MYMK: variants seen among roughly 807,000 people sequenced by gnomAD.
The protein encoded by MYMK is myomaker, myoblast fusion factor, also known as protein myomaker.
A neutral mutation model predicts 22.4 loss-of-function variants in MYMK; 16 were observed. The ratio of observed to expected loss-of-function variants is 0.72; its 90% CI spans 0.48 to 1.09. The LOEUF (loss-of-function observed/expected upper bound fraction) is 1.09, where lower values mean the gene tolerates loss of function less well. Among genes scored for constraint, MYMK ranks in the 50% least tolerant of loss-of-function variants. MYMK has a pLI of 0.00. For missense variants in MYMK, 250 were observed against 295.6 expected, an observed-to-expected ratio of 0.85 and a Z score of 1.13; for synonymous variants, 125 against 127.0, an observed-to-expected ratio of 0.98 and a Z score of 0.11.
intron 4 of MYMK, 149 bp from the exon 5 acceptor site, chr9:133,514,934 T>C (rs1485090470): frequency 1.2e-6 from 1 of 859,564 alleles, no homozygotes; most frequent in Non-Finnish European, 1.8e-6. Context: ...GCGCTCACAG[T>C]GGTTTTTCTC....
chr9:133,524,410 A>G (rs942891365), intron 1 of MYMK, among the ~76,000 whole-genome samples: 2 of 152,014 alleles, frequency 1.3e-5, no homozygotes, highest in African/African-American at 4.8e-5. Flanking sequence ...AGCTGAGAAA[A>G]GGGGCACGCT....
chr9:133,515,900 C>A lies in MYMK; in HGVS notation c.400-293G>T, dbSNP rs754485402. On this transcript the variant is annotated intron_variant, in intron 3 of 4. Coordinates refer to ENST00000339996, the MANE Select transcript of MYMK (RefSeq NM_001080483.3). The surrounding 1 kb of genome is among the most constrained non-coding windows in gnomAD (Gnocchi z 5.8). ...CCCGCCTCTTTGAGATGTAACAACGCCACCCTCGCATGTCTCCTCCTCCCT... is the reference window on the plus strand; with the variant it reads ...CCCGCCTCTTTGAGATGTAACAACGACACCCTCGCATGTCTCCTCCTCCCT... Among the ~76,000 whole-genome samples the A allele has an allele frequency of 6.6e-6, 1 of 152,178 alleles. No individual in the cohort carries two copies. The highest frequency in any genetic ancestry group is 2.4e-5 in the African/African-American group (1 of 41,446).
intron 2 of MYMK, 98 bp downstream of exon 2, chr9:133,520,076 A>C: frequency 1.2e-6 from 1 of 856,774 alleles, no homozygotes; most frequent in Non-Finnish European, 2.0e-6. Flanking sequence ...GTGAGTGGGG[A>C]TAGAGGGCTG....
chr9:133,518,597 A>G (rs1178128903), intron 3 of MYMK, among the ~76,000 whole-genome samples: 4 of 152,174 alleles, frequency 2.6e-5, no homozygotes, highest in Admixed American at 6.5e-5. Flanking sequence ...AGGGGGCTGT[A>G]ATGACAACAC....
chr9:133,520,318 A>C (rs1844687417), intron 1 of MYMK, 30 bp from the exon 2 acceptor site: 6 of 1,590,658 alleles, frequency 3.8e-6, no homozygotes, highest in Admixed American at 1.7e-5. Flanking sequence ...TGGTCACAGC[A>C]CAAAGAGGCC....
rs779683542 is a variant in MYMK, at chr9:133,515,569, G to T, written c.438C>A (p.Asp146Glu). 13 of 1,614,064 alleles carry T rather than the reference G, an allele frequency of 8.1e-6. No individual in the cohort carries two copies. In the Admixed American group the frequency reaches 1.3e-4, roughly 17 times the overall value. ...KMKEKKGLYP[D>E]KSVYTQQIGP... ...CTATCTGCTGGGTGTAGACGCTCTT[G>T]TCTGGGTACAGGCCCTTCTTCTCCT... The change falls in exon 4 of 5, where the codon GAC (aspartate) becomes GAA (glutamate). Residue 146 changes from aspartate to glutamate, a missense_variant. Coordinates refer to ENST00000339996, the MANE Select transcript of MYMK (RefSeq NM_001080483.3). The surrounding 1 kb of genome is among the most constrained non-coding windows in gnomAD (Gnocchi z 5.8).
In MYMK at chr9:133,522,707, T is replaced by C. The variant is rs113279728; in HGVS notation, c.135+2003A>G. On this transcript the variant is annotated intron_variant, in intron 1 of 4. Coordinates refer to ENST00000339996, the MANE Select transcript of MYMK (RefSeq NM_001080483.3). The stretch of plus-strand genomic sequence containing the variant: ...GCCTTGAGAACAAGACCTCAGCTTT[T>C]CTCCCTGCGCTAAGGCCATGGGACC... Among the ~76,000 whole-genome samples the C allele has an allele frequency of 7.9e-5, 12 of 152,308 alleles. No individual in the cohort carries two copies. In the South Asian group the frequency reaches 2.3e-3, roughly 29 times the overall value.
chr9:133,514,704 T>A lies in MYMK; in HGVS notation c.598A>T (p.Lys200Ter). 1 of 1,614,050 alleles carries A rather than the reference T, an allele frequency of 6.2e-7. No individual in the cohort carries two copies. The highest frequency in any genetic ancestry group is 8.5e-7 in the Non-Finnish European group (1 of 1,179,930). The part of the protein sequence containing the change: ...SFVLLLPKVN[K>*]KAGSPGTPAK... ...GGGGTCCCCGGGGATCCAGCCTTCT[T>A]GTTGACCTTGGGCAGCAGCAGAACA... Residue 200 changes from lysine (K) to a stop codon, truncating the protein, a stop_gained, in exon 5 of 5, where the codon AAG becomes TAG. Coordinates refer to ENST00000339996, the MANE Select transcript of MYMK (RefSeq NM_001080483.3). LOFTEE classifies it high-confidence loss of function.
In MYMK at chr9:133,518,998, T is replaced by C. The variant is rs1184022337; in HGVS notation, c.275A>G (p.Lys92Arg). ...GCCGAACATCACAAATGTTGACCTC[T>C]TGGGTTCGTCGAAGTCGGCCAGTGC... Reference protein sequence around the residue: ...LMALADFDEPKRSTFVMFGVL... With the variant: ...LMALADFDEPRRSTFVMFGVL... The change falls in exon 3 of 5, where the codon AAG (lysine) becomes AGG (arginine). Residue 92 changes from lysine (K) to arginine (R), a missense_variant. Transcript: ENST00000339996. The C allele has an allele frequency of 6.2e-7, 1 of 1,613,866 alleles. No individual in the cohort carries two copies. Among genetic ancestry groups the C allele is most frequent in the Non-Finnish European group, 8.5e-7 (1 of 1,179,966 alleles).
chr9:133,524,940 G>T lies in MYMK; in HGVS notation c.-96C>A. The stretch of plus-strand genomic sequence containing the variant: ...AAGTGGGAAGGCCAGCTCCCTTTGG[G>T]CAGGGCTCTGATGGCAGCTGCGGGG... On this transcript the variant is annotated 5_prime_UTR_variant, in exon 1 of 5. Transcript: ENST00000339996. 1 of 1,444,134 alleles carries T rather than the reference G, an allele frequency of 6.9e-7. No individual in the cohort carries two copies. The highest frequency in any genetic ancestry group is 9.3e-7 in the Non-Finnish European group (1 of 1,076,658). 89.5% of individuals were successfully genotyped at this position (1,444,134 alleles called of 1,614,324 possible).
intron 2 of MYMK, among the ~76,000 whole-genome samples, chr9:133,519,543 G>A (rs1254397128): frequency 6.6e-6 from 1 of 152,214 alleles, no homozygotes; most frequent in Admixed American, 6.5e-5. Flanking sequence ...CTGAGTGACA[G>A]AGTGAGACCC....
At chr9:133,518,754 A>T in intron 3 of MYMK, 120 bp downstream of exon 3, 1 of 1,325,384 alleles carries the variant, frequency 7.5e-7, no homozygotes, top group Non-Finnish European at 1.0e-6. Context: ...GAATTCCTGC[A>T]TCCACCCATT....
chr9:133,524,716 G>A lies in MYMK; in HGVS notation c.129C>T (p.Phe43=), dbSNP rs373438480. ...EAMVYLFTLF[F]VALHHACNGP... ...TCCCAGCCCCCAGACTCACCGCCAC[G>A]AAGAACAGGGTGAAGAGGTAGACCA... The change falls in exon 1 of 5, where the codon TTC becomes TTT. Residue 43 remains phenylalanine (F), a synonymous_variant. Transcript: ENST00000339996. 8.1e-6 allele frequency: 13 copies of A among 1,614,168 alleles called. No homozygotes were observed. The highest frequency in any genetic ancestry group is 2.7e-5 in the African/African-American group (2 of 75,056).
Position 133,515,505 on chromosome 9 carries a change from G to A in MYMK, c.502C>T (p.Arg168Cys), listed in dbSNP as rs774732248. Residue 168 changes from arginine (R) to cysteine (C), a missense_variant, in exon 4 of 5, where the codon CGC becomes TGC. By Grantham distance (180) the Arg-to-Cys change is radical. Transcript: ENST00000339996. This position sits in a 1 kb window ranked among gnomAD's most constrained non-coding sequence, Gnocchi z 5.8. Reference protein sequence around the residue: ...LCFGALALMLRFFFEDWDYTY... With the variant: ...LCFGALALMLCFFFEDWDYTY... Reference sequence around the variant, plus strand: ...GGGCTTGGTACCTCAAAGAAGAAGCGTAGCATCAGGGCCAGCGCCCCGAAG... The same window carrying A: ...GGGCTTGGTACCTCAAAGAAGAAGCATAGCATCAGGGCCAGCGCCCCGAAG... The A allele has an allele frequency of 5.0e-6, 8 of 1,611,632 alleles. No individual in the cohort carries two copies. Among genetic ancestry groups the A allele is most frequent in the Middle Eastern group, 1.7e-4 (1 of 6,056 alleles).
chr9:133,520,613 A>G (rs1309837430), intron 1 of MYMK, among the ~76,000 whole-genome samples: 3 of 152,102 alleles, frequency 2.0e-5, no homozygotes, highest in Admixed American at 2.0e-4. Context: ...ACTCAGGTGA[A>G]GCCCGCTTAG....
Position 133,520,189 on chromosome 9 carries a change from A to G in MYMK, c.235T>C (p.Trp79Arg). The G allele has an allele frequency of 6.2e-7, 1 of 1,614,012 alleles. No homozygotes were observed. The highest frequency in any genetic ancestry group is 1.1e-5 in the South Asian group (1 of 91,078). Reference protein sequence around the residue: ...FSVYGTALSMWVSLMALADFD... With the variant: ...FSVYGTALSMRVSLMALADFD... ...GACCACTCACCCATCAGCGAGACCC[A>G]CATGCTCAGGGCTGTCCCGTAGACA... The change falls in exon 2 of 5, where the codon TGG becomes CGG. Residue 79 changes from tryptophan to arginine, a missense_variant. Trp to Arg is a moderately radical substitution (Grantham distance 101). Transcript: ENST00000339996.
At chr9:133,517,425 G>A (rs900888368) in intron 3 of MYMK, among the ~76,000 whole-genome samples, 10 of 152,162 alleles carry the variant, frequency 6.6e-5, no homozygotes, top group Non-Finnish European at 1.5e-4. Context: ...CAGCACTTTG[G>A]GAGACTGAGG....
chr9:133,520,975 G>A (rs756836601), intron 1 of MYMK, among the ~76,000 whole-genome samples: 1 of 152,104 alleles, frequency 6.6e-6, no homozygotes. Flanking sequence ...CACTGCTGAG[G>A]CTGGCAGGGC....
chr9:133,523,401 T>C (rs1178980076), intron 1 of MYMK, among the ~76,000 whole-genome samples: 3 of 151,958 alleles, frequency 2.0e-5, no homozygotes, highest in Non-Finnish European at 4.4e-5. Flanking sequence ...AGAAGGAGGC[T>C]AGTGGGACGC....
Sources: allele counts gnomAD v4.1 joint callset (sites outside exome capture counted in the v4.1 genomes callset), GRCh38; gene constraint gnomAD v4.1.1; non-coding constraint Gnocchi (gnomAD v3.1); transcripts MANE v1.5; gene names NCBI Gene and HGNC (gene_info 2026-07-23, HGNC 2026-07-21).